PKP4: variants seen among roughly 807,000 people sequenced by gnomAD.
PKP4 encodes the protein plakophilin 4, also known as plakophilin-4.
In PKP4, 90 loss-of-function variants were observed where a neutral mutation model predicts 145.1. The observed-to-expected ratio is 0.62, with a 90% CI of 0.52 to 0.74. PKP4 has a LOEUF of 0.74. Ranked by LOEUF, PKP4 falls within the 30% of genes least tolerant of loss-of-function variation. The probability of loss-of-function intolerance (pLI) is 0.00; values close to 1 mark genes in which losing one functional copy is unlikely to be tolerated. For synonymous variants in PKP4, 563 were observed against 577.2 expected, an observed-to-expected ratio of 0.98 and a Z score of 0.35; for missense variants, 1,340 against 1,482.7, an observed-to-expected ratio of 0.90 and a Z score of 1.58.
intron 2 of PKP4, among the ~76,000 whole-genome samples, chr2:158,564,088 A>G (rs2046770205): frequency 6.6e-6 from 1 of 152,060 alleles, no homozygotes; most frequent in African/African-American, 2.4e-5. Flanking sequence ...GATACAATTA[A>G]AAGAGATAAT....
chr2:158,636,855 G>A (rs901069559), intron 9 of PKP4, among the ~76,000 whole-genome samples: 2 of 151,924 alleles, frequency 1.3e-5, no homozygotes, highest in African/African-American at 4.8e-5. Flanking sequence ...TATATTCCAT[G>A]TTCCTATGAG....
intron 3 of PKP4, among the ~76,000 whole-genome samples, chr2:158,595,067 C>G (rs567092810): frequency 7.2e-5 from 11 of 152,266 alleles, no homozygotes; most frequent in Non-Finnish European, 1.6e-4. Context: ...TGTAACTGCT[C>G]TATTTGTTCT....
chr2:158,513,841 C>T (rs1480914140), intron 1 of PKP4, among the ~76,000 whole-genome samples: 1 of 152,118 alleles, frequency 6.6e-6, no homozygotes, highest in African/African-American at 2.4e-5. Context: ...TTTTCTCCCC[C>T]ACCCCGCTTC....
chr2:158,492,241 AC>A (rs567669228), intron 1 of PKP4, among the ~76,000 whole-genome samples: 3 of 152,106 alleles, frequency 2.0e-5, no homozygotes, highest in Admixed American at 6.6e-5. Flanking sequence ...ACAAGGCATC[AC>A]AGGGAATAGG....
rs951880549 is a variant in PKP4 at position 158,518,218 on chromosome 2, G to A, written c.-5-14962G>A. Among the ~76,000 whole-genome samples the A allele has an allele frequency of 5.3e-5, 8 of 152,334 alleles. No homozygotes were observed. The East Asian group carries it at 1.2e-3, about 22-fold the overall frequency. On this transcript the variant is annotated intron_variant, in intron 1 of 21. Coordinates refer to ENST00000389759, the MANE Select transcript of PKP4 (RefSeq NM_003628.6). ...CTTACATATTCTGAGGTCTTGGCTC[G>A]AATGGCTGTGATTGCTGGGCTGTGT...
chr2:158,628,353 G>T (rs768709347), intron 7 of PKP4, among the ~76,000 whole-genome samples: 8 of 152,124 alleles, frequency 5.3e-5, no homozygotes, highest in African/African-American at 9.7e-5. Context: ...GTAAATTATA[G>T]TGAGCTGTCT....
intron 11 of PKP4, among the ~76,000 whole-genome samples, chr2:158,644,098 T>A (rs1306130622): frequency 1.3e-5 from 2 of 152,186 alleles, no homozygotes; most frequent in Admixed American, 1.3e-4. Flanking sequence ...AACTTAATTG[T>A]GTCCCACATG....
At chr2:158,659,201 GC>G (rs2056301186) in intron 12 of PKP4, 1 of 152,496 alleles carries the variant, frequency 6.6e-6, no homozygotes, top group African/African-American at 2.4e-5. Flanking sequence ...GTGGCTATCG[GC>G]CCTGGTCAGG....
intron 1 of PKP4, among the ~76,000 whole-genome samples, chr2:158,482,553 T>C (rs962466996): frequency 6.6e-6 from 1 of 152,038 alleles, no homozygotes; most frequent in African/African-American, 2.4e-5. Flanking sequence ...ATTGAACATA[T>C]AGGCCAAGTA....
At chr2:158,462,273 A>C (rs1689886214) in intron 1 of PKP4, among the ~76,000 whole-genome samples, 2 of 152,150 alleles carry the variant, frequency 1.3e-5, no homozygotes, top group Admixed American at 1.3e-4. Flanking sequence ...TGTTTGGATG[A>C]TAGCTTCCTC....
intron 11 of PKP4, among the ~76,000 whole-genome samples, chr2:158,647,376 G>A (rs2054932198): frequency 6.6e-6 from 1 of 152,110 alleles, no homozygotes; most frequent in Non-Finnish European, 1.5e-5. Flanking sequence ...GGAATTCTTT[G>A]ATTCTTAATA....
intron 2 of PKP4, among the ~76,000 whole-genome samples, chr2:158,566,613 A>G (rs2047010253): frequency 6.6e-6 from 1 of 152,182 alleles, no homozygotes; most frequent in Admixed American, 6.5e-5. Context: ...TGTTTTTTAT[A>G]TTAATTCTAC....
chr2:158,548,782 A>G, intron 2 of PKP4: 1 of 272,464 alleles, frequency 3.7e-6, no homozygotes, highest in Admixed American at 4.7e-5. Context: ...GCCTGGGCTG[A>G]GAAGAAAGCT....
chr2:158,616,518 C>G (rs1043005916), intron 4 of PKP4, among the ~76,000 whole-genome samples: 2 of 152,156 alleles, frequency 1.3e-5, no homozygotes, highest in African/African-American at 4.8e-5. Context: ...GTATGACAGC[C>G]TAACCTCAGC....
chr2:158,631,989 AG>A (rs757397633), intron 8 of PKP4, 48 bp downstream of exon 8: 2 of 1,543,690 alleles, frequency 1.3e-6, no homozygotes, highest in African/African-American at 2.7e-5. Context: ...TAGGCCCCAC[AG>A]TAGAAGTGTT....
At chr2:158,592,967 A>C (rs962430188) in intron 3 of PKP4, among the ~76,000 whole-genome samples, 2 of 152,312 alleles carry the variant, frequency 1.3e-5, no homozygotes, top group African/African-American at 4.8e-5. Context: ...CATAGAACAA[A>C]TAGAAAAACA....
chr2:158,505,732 C>T (rs116768143), intron 1 of PKP4, among the ~76,000 whole-genome samples: 170 of 152,008 alleles, frequency 1.1e-3, no homozygotes, highest in African/African-American at 3.8e-3. Flanking sequence ...TCTTAGGTGA[C>T]GTGACTCAGC....
intron 2 of PKP4, among the ~76,000 whole-genome samples, chr2:158,555,732 G>A (rs2105719197): frequency 1.3e-5 from 2 of 152,250 alleles, no homozygotes; most frequent in South Asian, 2.1e-4. Context: ...ATCCTCACCT[G>A]GTCTCACTTT....
At chr2:158,602,243 C>G (rs1248685190) in intron 3 of PKP4, among the ~76,000 whole-genome samples, 2 of 152,126 alleles carry the variant, frequency 1.3e-5, no homozygotes, top group South Asian at 2.1e-4. Flanking sequence ...GACCAGGAGT[C>G]CTGGGTGTGG....
Sources: gnomAD v4.1 joint callset for allele counts (sites outside exome capture counted in the v4.1 genomes callset) on GRCh38, gnomAD v4.1.1 for gene constraint, MANE v1.5 for transcripts, NCBI Gene and HGNC (gene_info 2026-07-23, HGNC 2026-07-21) for gene names.